Variants in MTA3 observed in about 807,000 individuals in gnomAD.
MTA3 encodes the protein metastasis associated 1 family member 3.
In MTA3, 34 loss-of-function variants were observed where a neutral mutation model predicts 83.5. That is an observed-to-expected ratio of 0.41 (90% CI 0.31 to 0.54). The LOEUF (loss-of-function observed/expected upper bound fraction) is 0.54, where lower values mean the gene tolerates loss of function less well. Ranked by LOEUF, MTA3 falls within the 20% of genes least tolerant of loss-of-function variation. The probability of loss-of-function intolerance (pLI) is 0.33; values close to 1 mark genes in which losing one functional copy is unlikely to be tolerated. For synonymous variants in MTA3, 303 were observed against 252.7 expected, an observed-to-expected ratio of 1.20 and a Z score of -1.89; for missense variants, 761 against 726.4, an observed-to-expected ratio of 1.05 and a Z score of -0.55.
chr2:42,521,034 C>T (rs532537281), intron 2 of MTA3, among the ~76,000 whole-genome samples: 1 of 152,298 alleles, frequency 6.6e-6, no homozygotes, highest in East Asian at 1.9e-4. Context: ...TGGTAGGCAG[C>T]CTGTAAGGTG....
chr2:42,704,001 C>CAT (rs1665845389), intron 11 of MTA3, 193 bp from the exon 12 acceptor site: 5 of 546,402 alleles, frequency 9.2e-6, no homozygotes, highest in African/African-American at 5.8e-5. Flanking sequence ...TTCCTTTTTT[C>CAT]ATAGACTCGT....
chr2:42,641,295 C>A (rs1417542863), intron 5 of MTA3, among the ~76,000 whole-genome samples: 1 of 147,062 alleles, frequency 6.8e-6, no homozygotes, highest in Non-Finnish European at 1.5e-5. Flanking sequence ...AAGTTTGATA[C>A]AATCATGCAG....
intron 6 of MTA3, among the ~76,000 whole-genome samples, chr2:42,646,772 CTG>C (rs1688227946): frequency 6.6e-6 from 1 of 152,138 alleles, no homozygotes; most frequent in Admixed American, 6.5e-5. Context: ...GCTGTGAACA[CTG>C]TTGAAATGGC....
chr2:42,520,613 C>G (rs546420162), intron 2 of MTA3, among the ~76,000 whole-genome samples: 1 of 151,888 alleles, frequency 6.6e-6, no homozygotes, highest in South Asian at 2.1e-4. Context: ...TAGGGTCTCA[C>G]TATGTTGTCC....
chr2:42,579,049 A>T, intron 2 of MTA3, 58 bp from the exon 3 acceptor site: 1 of 1,199,354 alleles, frequency 8.3e-7, no homozygotes, highest in Non-Finnish European at 1.2e-6. Flanking sequence ...GTTTCGTTGT[A>T]TAAATTATTT....
chr2:42,606,285 C>T (rs572345545), intron 3 of MTA3, among the ~76,000 whole-genome samples: 7 of 146,726 alleles, frequency 4.8e-5, no homozygotes, highest in East Asian at 4.0e-4. Flanking sequence ...CGGGCGGAGA[C>T]GCTCCTCACT....
At position 42,577,145 on chromosome 2, in the gene MTA3, C is replaced by T. The variant is rs142223257; in HGVS notation, c.97-1962C>T. On this transcript the variant is annotated intron_variant, in intron 2 of 16. Coordinates refer to ENST00000405094, the MANE Select transcript of MTA3 (RefSeq NM_001330442.2). ...ATATATATATATATAAAAATGAACT[C>T]TTAATTGCTGTAATGCACTTAGTCT... 5.4e-5 allele frequency among the ~76,000 whole-genome samples: 7 copies of T among 130,700 alleles called. No individual in the cohort carries two copies. The East Asian group carries it at 1.6e-3, about 29-fold the overall frequency. The allele number at this position is 130,700 out of a possible 152,430, so 85.7% of individuals were successfully genotyped here. A position where few individuals can be genotyped will look rare whatever the true frequency, so the allele number is the denominator to read the frequency against.
At chr2:42,684,329 C>G (rs1692190916) in intron 9 of MTA3, among the ~76,000 whole-genome samples, 1 of 152,264 alleles carries the variant, frequency 6.6e-6, no homozygotes, top group African/African-American at 2.4e-5. Context: ...TGCATCTTTA[C>G]TGAATTGTTT....
chr2:42,707,767 T>C, intron 12 of MTA3, 136 bp from the exon 13 acceptor site: 3 of 934,434 alleles, frequency 3.2e-6, no homozygotes, highest in South Asian at 4.1e-5. Context: ...TATACTATTA[T>C]GTTTGGCTTG....
chr2:42,709,361 T>TA, intron 14 of MTA3: 1 of 1,219,966 alleles, frequency 8.2e-7, no homozygotes, highest in South Asian at 1.8e-5. Flanking sequence ...GAGGTGATCC[T>TA]ATTCCATGGG....
rs368924251 is a variant in MTA3, at chr2:42,538,721, A to G, written c.-140-31716A>G. ...TGATGACTCTTTCTAAAAAAAAAAA[A>G]AAAAAGAAAAAGAAAAGAAAAGAAA... On this transcript the variant is annotated intron_variant, in intron 2 of 17. Transcript: ENST00000405592. Among the ~76,000 whole-genome samples, 21 of 150,354 alleles carry G rather than the reference A, an allele frequency of 1.4e-4. No homozygotes were observed. The East Asian group carries it at 1.9e-3, about 14-fold the overall frequency.
chr2:42,722,510 T>G (rs1667489065), intron 15 of MTA3, among the ~76,000 whole-genome samples: 1 of 152,128 alleles, frequency 6.6e-6, no homozygotes, highest in Non-Finnish European at 1.5e-5. Flanking sequence ...AGCACAGAAG[T>G]GTTTTACCCC....
intron 16 of MTA3, among the ~76,000 whole-genome samples, chr2:42,740,537 CCATT>C (rs955721338): frequency 1.3e-5 from 2 of 152,222 alleles, no homozygotes; most frequent in African/African-American, 2.4e-5. Flanking sequence ...GTGAATGAAT[CCATT>C]CATTCATCCA....
chr2:42,663,493 G>C (rs963479442), intron 8 of MTA3, among the ~76,000 whole-genome samples: 1 of 152,162 alleles, frequency 6.6e-6, no homozygotes, highest in Admixed American at 6.5e-5. Context: ...AAGTACACTG[G>C]CTTATGCCTG....
At chr2:42,589,801 CT>C (rs1680755637) in intron 3 of MTA3, among the ~76,000 whole-genome samples, 1 of 152,188 alleles carries the variant, frequency 6.6e-6, no homozygotes, top group South Asian at 2.1e-4. Context: ...TACTGTGAAA[CT>C]TTTTGATATC....
intron 2 of MTA3, among the ~76,000 whole-genome samples, chr2:42,546,818 C>T (rs769283571): frequency 4.5e-4 from 68 of 152,266 alleles, no homozygotes; most frequent in African/African-American, 7.5e-4. Context: ...CAATGTCTCA[C>T]ATTTTGGTAG....
At chr2:42,552,572 C>T (rs1222325409) in intron 2 of MTA3, among the ~76,000 whole-genome samples, 1 of 150,612 alleles carries the variant, frequency 6.6e-6, no homozygotes, top group Non-Finnish European at 1.5e-5. Context: ...CAATAAACGC[C>T]CAGATGGCAC....
At chr2:42,634,278 T>C (rs994143969) in intron 4 of MTA3, among the ~76,000 whole-genome samples, 10 of 152,248 alleles carry the variant, frequency 6.6e-5, no homozygotes, top group Non-Finnish European at 1.3e-4. Flanking sequence ...TAATTAGGTA[T>C]TTTAATTAGG....
intron 10 of MTA3, among the ~76,000 whole-genome samples, 158 bp from the exon 11 acceptor site, chr2:42,697,618 A>T (rs1338733233): frequency 6.6e-6 from 1 of 152,202 alleles, no homozygotes; most frequent in Non-Finnish European, 1.5e-5. Context: ...TTTCTTAGAC[A>T]TTATTGCAGT....
Sources: gnomAD v4.1 joint callset for allele counts (sites outside exome capture counted in the v4.1 genomes callset) on GRCh38, gnomAD v4.1.1 for gene constraint, MANE v1.5 for transcripts, NCBI Gene and HGNC (gene_info 2026-07-23, HGNC 2026-07-21) for gene names.